Variants in NECAB1 observed in about 807,000 individuals in gnomAD.
The protein encoded by NECAB1 is N-terminal EF-hand calcium binding protein 1, also known as N-terminal EF-hand calcium-binding protein 1.
NECAB1 carries 29 observed loss-of-function variants against 57.5 expected under a neutral mutation model. The ratio of observed to expected loss-of-function variants is 0.50; its 90% CI spans 0.38 to 0.69. NECAB1 has a LOEUF of 0.69. NECAB1 is among the 30% of genes least tolerant of loss of function. NECAB1 has a pLI of 0.00. For synonymous variants in NECAB1, 142 were observed against 147.7 expected (o/e 0.96, Z 0.28); for missense variants, 372 against 413.8 (o/e 0.90, Z 0.88).
intron 10 of NECAB1, among the ~76,000 whole-genome samples, chr8:90,948,996 T>C (rs1051449096): frequency 6.6e-6 from 1 of 152,198 alleles, no homozygotes; most frequent in Non-Finnish European, 1.5e-5. Context: ...ATGTAGACTT[T>C]TTCCTCCTTC....
intron 2 of NECAB1, among the ~76,000 whole-genome samples, chr8:90,821,709 G>A (rs1343786444): frequency 6.6e-6 from 1 of 150,738 alleles, no homozygotes. Context: ...ACATCGCCCT[G>A]TGTCTCGTAG....
chr8:90,925,782 T>C (rs1014490036), intron 7 of NECAB1, 126 bp downstream of exon 7: 17 of 1,304,210 alleles, frequency 1.3e-5, no homozygotes, highest in Non-Finnish European at 1.7e-5. Flanking sequence ...CAAGTAAGTT[T>C]GAGACAGAAG....
chr8:90,892,656 T>C (rs192188620), intron 5 of NECAB1, among the ~76,000 whole-genome samples: 1 of 152,292 alleles, frequency 6.6e-6, no homozygotes, highest in East Asian at 1.9e-4. Flanking sequence ...TCCATCTTCT[T>C]CCCTCGCAAC....
chr8:90,856,358 T>A (rs1404697951), intron 3 of NECAB1, among the ~76,000 whole-genome samples: 2 of 152,078 alleles, frequency 1.3e-5, no homozygotes, highest in Admixed American at 6.6e-5. Context: ...AAAAACTAAG[T>A]CTGAGTCTGA....
chr8:90,951,369 C>T (rs1334569860), intron 12 of NECAB1, among the ~76,000 whole-genome samples, 165 bp downstream of exon 12: 2 of 151,958 alleles, frequency 1.3e-5, no homozygotes, highest in Non-Finnish European at 2.9e-5. Context: ...AATAAAAGAT[C>T]TATATATTTG....
intron 2 of NECAB1, among the ~76,000 whole-genome samples, chr8:90,811,614 C>A (rs537772366): frequency 6.6e-6 from 1 of 152,130 alleles, no homozygotes; most frequent in Non-Finnish European, 1.5e-5. Context: ...AATTGAAAAA[C>A]CCCCCAAATG....
At chr8:90,954,638 C>CTA (rs1421937868) in intron 12 of NECAB1, among the ~76,000 whole-genome samples, 2 of 151,852 alleles carry the variant, frequency 1.3e-5, no homozygotes, top group East Asian at 3.9e-4. Context: ...TTCAGGATAT[C>CTA]TATATTCACT....
chr8:90,812,240 G>A (rs1341647146), intron 2 of NECAB1, among the ~76,000 whole-genome samples: 1 of 152,196 alleles, frequency 6.6e-6, no homozygotes, highest in Non-Finnish European at 1.5e-5. Flanking sequence ...ATTTACCAGT[G>A]AAATTTGTCT....
rs756334903 is a variant in NECAB1 at position 90,949,900 on chromosome 8, G to A, written c.938+16G>A. ...TATGGAATAGGTAAGTTGTGAGCAA[G>A]CCTGATTTTATGTGAAGCCAGGAAG... On this transcript the variant is annotated intron_variant, in intron 11 of 12. Coordinates refer to ENST00000417640, the MANE Select transcript of NECAB1 (RefSeq NM_022351.5). 7 of 1,534,804 alleles carry A rather than the reference G, an allele frequency of 4.6e-6. No individual in the cohort carries two copies. The Admixed American group carries it at 9.0e-5, about 20-fold the overall frequency.
chr8:90,934,217 C>T, intron 8 of NECAB1, 87 bp from the exon 9 acceptor site: 1 of 909,210 alleles, frequency 1.1e-6, no homozygotes, highest in African/African-American at 1.7e-5. Context: ...CAATGTTAGC[C>T]ATGAGAGAAC....
intron 4 of NECAB1, 166 bp downstream of exon 4, chr8:90,872,319 A>C (rs1387055481): frequency 3.7e-6 from 2 of 545,028 alleles, no homozygotes; most frequent in East Asian, 6.6e-5. Context: ...AATTTTGCTC[A>C]AGTATGTATT....
chr8:90,834,541 A>G (rs2129729347), intron 3 of NECAB1, among the ~76,000 whole-genome samples: 1 of 152,238 alleles, frequency 6.6e-6, no homozygotes, highest in Non-Finnish European at 1.5e-5. Context: ...TTAAACACCA[A>G]ATCTGTTGGT....
intron 3 of NECAB1, among the ~76,000 whole-genome samples, chr8:90,867,138 T>C (rs1369969605): frequency 6.6e-6 from 1 of 152,198 alleles, no homozygotes; most frequent in Non-Finnish European, 1.5e-5. Flanking sequence ...TAAAGGAATA[T>C]GTGAAGCCAC....
At chr8:90,889,494 C>T (rs1442590892) in intron 5 of NECAB1, among the ~76,000 whole-genome samples, 2 of 152,124 alleles carry the variant, frequency 1.3e-5, no homozygotes, top group Non-Finnish European at 2.9e-5. Context: ...TAGTTGTAAT[C>T]GTTATCTACT....
chr8:90,834,437 G>A (rs1457121399), intron 3 of NECAB1, among the ~76,000 whole-genome samples: 1 of 152,092 alleles, frequency 6.6e-6, no homozygotes, highest in African/African-American at 2.4e-5. Flanking sequence ...TGGGATGAGT[G>A]CCCTTTTATA....
At chr8:90,879,293 A>C (rs1808794858) in intron 4 of NECAB1, among the ~76,000 whole-genome samples, 2 of 150,102 alleles carry the variant, frequency 1.3e-5, no homozygotes, top group Admixed American at 1.3e-4. Context: ...GGCTCAAGCA[A>C]TCCTCCCACC....
At chr8:90,852,829 A>G (rs1812711340) in intron 3 of NECAB1, among the ~76,000 whole-genome samples, 1 of 152,156 alleles carries the variant, frequency 6.6e-6, no homozygotes, top group African/African-American at 2.4e-5. Context: ...AATCCCGTTC[A>G]TTTACCATCC....
At position 90,928,223 on chromosome 8, in the gene NECAB1, G is replaced by C; in HGVS notation, c.617G>C (p.Gly206Ala). The C allele has an allele frequency of 6.2e-7, 1 of 1,605,592 alleles. No individual in the cohort carries two copies. Among genetic ancestry groups the C allele is most frequent in the East Asian group, 2.2e-5 (1 of 44,556 alleles). The change falls in exon 8 of 13, where the codon GGC becomes GCC. Residue 206 changes from glycine (G) to alanine (A), a missense_variant and splice_region_variant. Coordinates refer to ENST00000417640, the MANE Select transcript of NECAB1 (RefSeq NM_022351.5). ...NSPQFNVSGP[G>A]LLEEDNQWMT... The stretch of plus-strand genomic sequence containing the variant: ...CCCTCATGATTCCCCCTGGCCCCAG[G>C]CTTATTAGAAGAAGACAACCAGTGG...
chr8:90,824,390 G>T (rs1252242635), intron 2 of NECAB1, among the ~76,000 whole-genome samples: 5 of 151,812 alleles, frequency 3.3e-5, no homozygotes, highest in Non-Finnish European at 7.4e-5. Context: ...TTGACTCTGT[G>T]TTGAGCTCTT....
Sources: allele counts gnomAD v4.1 joint callset (sites outside exome capture counted in the v4.1 genomes callset), GRCh38; gene constraint gnomAD v4.1.1; transcripts MANE v1.5; gene names NCBI Gene and HGNC (gene_info 2026-07-23, HGNC 2026-07-21).